MITF: variants seen among roughly 807,000 people sequenced by gnomAD.
The protein encoded by MITF is melanocyte inducing transcription factor.
Under a neutral mutation model 60.5 loss-of-function variants are expected in MITF, and 17 were observed. The observed-to-expected ratio is 0.28, with a 90% CI of 0.19 to 0.42. MITF has a LOEUF of 0.42. Among genes scored for constraint, MITF ranks in the 10% least tolerant of loss-of-function variants. The pLI is 1.00. For synonymous variants in MITF, 260 were observed against 248.5 expected (o/e 1.05, Z -0.43); for missense variants, 622 against 683.5 (o/e 0.91, Z 1.00).
chr3:69,882,562 C>A (rs76844787), intron 2 of MITF, among the ~76,000 whole-genome samples: 3,767 of 151,314 alleles, frequency 0.025, 141 homozygotes, highest in African/African-American at 0.084. Flanking sequence ...GAATTAACAA[C>A]AACAAAAAAA....
intron 1 of MITF, among the ~76,000 whole-genome samples, chr3:69,772,184 T>C (rs1490855543): frequency 6.6e-6 from 1 of 152,208 alleles, no homozygotes; most frequent in Non-Finnish European, 1.5e-5. Context: ...GTTATTAATT[T>C]TTTTTCCTTG....
Position 69,912,661 on chromosome 3 carries a change from T to G in MITF, c.355-25161T>G, listed in dbSNP as rs535407163. On this transcript the variant is annotated intron_variant, in intron 2 of 9. Coordinates refer to ENST00000352241, the MANE Select transcript of MITF (RefSeq NM_001354604.2). ...CATTCTATAAGCCACACACAGAAATTGTTAGAAAGCTTCACAAACCTGCTA... is the reference window on the plus strand; with the variant it reads ...CATTCTATAAGCCACACACAGAAATGGTTAGAAAGCTTCACAAACCTGCTA... Among the ~76,000 whole-genome samples the G allele has an allele frequency of 3.3e-5, 5 of 152,312 alleles. No individual in the cohort carries two copies. The South Asian group carries it at 1.0e-3, about 32-fold the overall frequency.
At chr3:69,757,889 G>C in intron 1 of MITF, among the ~76,000 whole-genome samples, 1 of 151,576 alleles carries the variant, frequency 6.6e-6, no homozygotes, top group East Asian at 2.0e-4. Flanking sequence ...AGTGTTGCCT[G>C]TGGAAAATGG....
At chr3:69,845,444 T>TC (rs2063715146) in intron 1 of MITF, among the ~76,000 whole-genome samples, 1 of 147,020 alleles carries the variant, frequency 6.8e-6, no homozygotes, top group Non-Finnish European at 1.5e-5. Context: ...TTTTCTTTCT[T>TC]TTTTTTTTTT....
chr3:69,748,432 G>T (rs1439014036), intron 1 of MITF, among the ~76,000 whole-genome samples: 1 of 152,082 alleles, frequency 6.6e-6, no homozygotes, highest in Non-Finnish European at 1.5e-5. Context: ...GTAGAGGTGG[G>T]GTTTCGCCAT....
At chr3:69,840,718 A>C (rs1318332955) in intron 1 of MITF, among the ~76,000 whole-genome samples, 1 of 151,612 alleles carries the variant, frequency 6.6e-6, no homozygotes, top group African/African-American at 2.4e-5. Flanking sequence ...TGTCATCGAA[A>C]GGTGATTCAG....
intron 2 of MITF, among the ~76,000 whole-genome samples, chr3:69,887,203 T>C (rs2064639878): frequency 6.6e-6 from 1 of 152,082 alleles, no homozygotes; most frequent in South Asian, 2.1e-4. Flanking sequence ...CCTTCACAAA[T>C]ATTACCTATT....
chr3:69,851,418 T>C (rs1388639804), intron 1 of MITF, among the ~76,000 whole-genome samples: 4 of 152,178 alleles, frequency 2.6e-5, no homozygotes, highest in Non-Finnish European at 5.9e-5. Context: ...AATGTCCTTA[T>C]ACTAGTGAAA....
chr3:69,741,241 T>A (rs1346494774), intron 1 of MITF, among the ~76,000 whole-genome samples: 3 of 152,154 alleles, frequency 2.0e-5, no homozygotes, highest in Admixed American at 2.0e-4. Flanking sequence ...TTGGTTATGC[T>A]CATCAGGGCT....
chr3:69,946,949 C>T (rs2066112224), intron 5 of MITF, among the ~76,000 whole-genome samples: 2 of 152,098 alleles, frequency 1.3e-5, no homozygotes, highest in Admixed American at 1.3e-4. Flanking sequence ...CTGTCTATGG[C>T]AGAAAGCATT....
intron 2 of MITF, among the ~76,000 whole-genome samples, chr3:69,893,882 A>G (rs185605236): frequency 6.6e-6 from 1 of 152,322 alleles, no homozygotes; most frequent in East Asian, 1.9e-4. Flanking sequence ...CACCCACTAC[A>G]TAAAAGACTT....
chr3:69,918,054 G>T (rs560771586), intron 2 of MITF, among the ~76,000 whole-genome samples: 1 of 151,882 alleles, frequency 6.6e-6, no homozygotes, highest in South Asian at 2.1e-4. Context: ...GTACATTATG[G>T]GTTTTGGGGT....
At chr3:69,848,825 C>T (rs554649845) in intron 1 of MITF, among the ~76,000 whole-genome samples, 3 of 152,058 alleles carry the variant, frequency 2.0e-5, no homozygotes, top group Non-Finnish European at 2.9e-5. Flanking sequence ...CTATAATTTT[C>T]CCCCCTTCTC....
intron 1 of MITF, among the ~76,000 whole-genome samples, chr3:69,845,442 C>CTTTTTTCTTATTTCTTTTT (rs2063714355): frequency 7.3e-6 from 1 of 136,810 alleles, no homozygotes; most frequent in Non-Finnish European, 1.5e-5. Context: ...TTTTTTCTTT[C>CTTTTTTCTTATTTCTTTTT]TTTTTTTTTT....
At chr3:69,958,350 C>A (rs1180070778) in intron 8 of MITF, among the ~76,000 whole-genome samples, 1 of 152,162 alleles carries the variant, frequency 6.6e-6, no homozygotes, top group Non-Finnish European at 1.5e-5. Context: ...GGGTTGCCAT[C>A]TTTGGTGTTC....
At chr3:69,940,331 A>G (rs540317150) in intron 4 of MITF, among the ~76,000 whole-genome samples, 3 of 152,330 alleles carry the variant, frequency 2.0e-5, no homozygotes, top group African/African-American at 4.8e-5. Context: ...TTGTGTAACT[A>G]TGAAGTCCTG....
chr3:69,774,188 T>C lies in MITF; in HGVS notation c.104+34487T>C, dbSNP rs1575692531. 2.0e-5 allele frequency among the ~76,000 whole-genome samples: 3 copies of C among 152,284 alleles called. No individual in the cohort carries two copies. In the South Asian group the frequency reaches 6.2e-4, roughly 32 times the overall value. ...CAGTTAGACCTAGTGCCACACATGC[T>C]AGGAGGTGCCAGAGGCCTGGCAGGC... On this transcript the variant is annotated intron_variant, in intron 1 of 9. Transcript: ENST00000352241.
At chr3:69,806,131 C>G (rs537261900) in intron 1 of MITF, among the ~76,000 whole-genome samples, 2 of 151,602 alleles carry the variant, frequency 1.3e-5, no homozygotes, top group Non-Finnish European at 2.9e-5. Context: ...GTCGCCCAGG[C>G]TGGAGTGCAA....
At chr3:69,813,167 C>T (rs751193673) in intron 1 of MITF, among the ~76,000 whole-genome samples, 2 of 152,126 alleles carry the variant, frequency 1.3e-5, no homozygotes, top group Non-Finnish European at 2.9e-5. Flanking sequence ...AAACCTGACT[C>T]AGAAGATTTT....
Sources: allele counts gnomAD v4.1 joint callset (sites outside exome capture counted in the v4.1 genomes callset), GRCh38; gene constraint gnomAD v4.1.1; transcripts MANE v1.5; gene names NCBI Gene and HGNC (gene_info 2026-07-23, HGNC 2026-07-21).